CHD7: variants seen among roughly 807,000 people sequenced by gnomAD.
The protein encoded by CHD7 is ATP-dependent chromatin remodeler CHD7.
Under a neutral mutation model 307.3 loss-of-function variants are expected in CHD7, and 24 were observed. That is an observed-to-expected ratio of 0.08 (90% CI 0.06 to 0.11). CHD7 has a LOEUF of 0.11. Among genes scored for constraint, CHD7 ranks in the 10% least tolerant of loss-of-function variants. The probability of loss-of-function intolerance (pLI) is 1.00; values close to 1 mark genes in which losing one functional copy is unlikely to be tolerated. For synonymous variants in CHD7, 1,363 were observed against 1,349.9 expected, an observed-to-expected ratio of 1.01 and a Z score of -0.21; for missense variants, 3,106 against 3,727.1, an observed-to-expected ratio of 0.83 and a Z score of 4.34.
intron 1 of CHD7, among the ~76,000 whole-genome samples, chr8:60,704,306 G>T (rs1806911514): frequency 6.6e-6 from 1 of 152,168 alleles, no homozygotes. Flanking sequence ...AAGGCTGGTG[G>T]ACAGTGGGCC....
intron 1 of CHD7, among the ~76,000 whole-genome samples, chr8:60,704,514 C>T (rs1176332601): frequency 6.8e-6 from 1 of 148,102 alleles, no homozygotes; most frequent in Admixed American, 6.6e-5. Flanking sequence ...TTGGTCTGTA[C>T]CCCAAGAGCA....
At chr8:60,754,790 C>A (rs536512728) in intron 2 of CHD7, among the ~76,000 whole-genome samples, 1 of 152,302 alleles carries the variant, frequency 6.6e-6, no homozygotes, top group East Asian at 1.9e-4. Flanking sequence ...AAGTTGACGT[C>A]CTGTTTCATA....
Position 60,735,895 on chromosome 8 carries a change from T to G in CHD7, c.-174-5364T>G, listed in dbSNP as rs115928757. Among the ~76,000 whole-genome samples the G allele has an allele frequency of 2.9e-3, 446 of 152,348 alleles. 2 individuals are homozygous for G. Among genetic ancestry groups the G allele is most frequent in the African/African-American group, 9.7e-3 (403 of 41,580 alleles). On this transcript the variant is annotated intron_variant, in intron 1 of 37. Transcript: ENST00000423902. ...CACATGTGGCTTTTGAGCACTTGAA[T>G]GTGGCTTGTGCGACTAAGGAACTGA...
intron 2 of CHD7, among the ~76,000 whole-genome samples, chr8:60,756,290 C>A (rs1163400242): frequency 6.6e-6 from 1 of 152,112 alleles, no homozygotes; most frequent in African/African-American, 2.4e-5. Flanking sequence ...ATGGGTATCT[C>A]GTGTCTTTGG....
At chr8:60,837,113 A>G (rs1804776660) in intron 17 of CHD7, 101 bp downstream of exon 17, 2 of 901,546 alleles carry the variant, frequency 2.2e-6, no homozygotes, top group African/African-American at 1.7e-5. Flanking sequence ...TTGCGTCGTC[A>G]CTCAGGCTGT....
intron 2 of CHD7, among the ~76,000 whole-genome samples, chr8:60,772,728 A>G (rs1409151023): frequency 3.3e-5 from 5 of 152,244 alleles, no homozygotes; most frequent in African/African-American, 1.2e-4. Flanking sequence ...GCAATATGCA[A>G]GGTGATGAAG....
intron 16 of CHD7, 89 bp from the exon 17 acceptor site, chr8:60,836,728 T>G (rs1804758672): frequency 6.5e-6 from 6 of 919,632 alleles, no homozygotes; most frequent in Non-Finnish European, 1.0e-5. Context: ...TAATATATAT[T>G]CCATATTGTA....
chr8:60,823,054 A>G (rs1465045725), intron 12 of CHD7, among the ~76,000 whole-genome samples: 1 of 152,214 alleles, frequency 6.6e-6, no homozygotes. Context: ...CTAAGAGAAA[A>G]CTAAACAAAA....
At chr8:60,681,040 C>G (rs927974126) in intron 1 of CHD7, among the ~76,000 whole-genome samples, 2 of 151,802 alleles carry the variant, frequency 1.3e-5, no homozygotes, top group Non-Finnish European at 2.9e-5. Context: ...TTATTTCACC[C>G]CAGTTCTCTC....
chr8:60,864,234 C>A (rs1398974228), intron 37 of CHD7: 6 of 152,326 alleles, frequency 3.9e-5, no homozygotes, highest in African/African-American at 1.4e-4. Flanking sequence ...ACCTCAGCCT[C>A]CTGATTAGCC....
chr8:60,747,619 T>TG (rs975202638), intron 2 of CHD7, among the ~76,000 whole-genome samples: 274 of 152,318 alleles, frequency 1.8e-3, no homozygotes, highest in African/African-American at 6.4e-3. Context: ...ACAGCTTATT[T>TG]GGAAAAAATG....
intron 2 of CHD7, among the ~76,000 whole-genome samples, chr8:60,764,867 A>AC (rs1810390776): frequency 6.6e-6 from 1 of 152,238 alleles, no homozygotes; most frequent in South Asian, 2.1e-4. Flanking sequence ...ATAGTACAGA[A>AC]CATGTAGCTT....
chr8:60,703,321 C>T (rs1464585277), intron 1 of CHD7, among the ~76,000 whole-genome samples: 2 of 152,198 alleles, frequency 1.3e-5, no homozygotes, highest in African/African-American at 4.8e-5. Flanking sequence ...ATGTGCATAT[C>T]TCTTAATTCT....
chr8:60,815,275 G>A (rs1319287975), intron 7 of CHD7, among the ~76,000 whole-genome samples: 1 of 152,010 alleles, frequency 6.6e-6, no homozygotes, highest in Non-Finnish European at 1.5e-5. Flanking sequence ...ATTTTTAATG[G>A]TTGTATAATT....
At chr8:60,748,298 A>G (rs1473207483) in intron 2 of CHD7, among the ~76,000 whole-genome samples, 2 of 152,172 alleles carry the variant, frequency 1.3e-5, no homozygotes, top group African/African-American at 4.8e-5. Flanking sequence ...GAGGGAAAAG[A>G]GTTTAAGATT....
chr8:60,779,422 C>T (rs1482749924), intron 2 of CHD7, among the ~76,000 whole-genome samples: 1 of 152,188 alleles, frequency 6.6e-6, no homozygotes, highest in Non-Finnish European at 1.5e-5. Context: ...AAACTAGATT[C>T]AAATCTTAGC....
chr8:60,849,768 T>A (rs1226485234), intron 25 of CHD7, among the ~76,000 whole-genome samples: 2 of 152,238 alleles, frequency 1.3e-5, no homozygotes, highest in East Asian at 3.8e-4. Flanking sequence ...AAACCTTTCA[T>A]GATTACAGTT....
intron 21 of CHD7, among the ~76,000 whole-genome samples, chr8:60,842,962 A>G (rs1331302226): frequency 6.6e-6 from 1 of 151,560 alleles, no homozygotes; most frequent in African/African-American, 2.4e-5. Flanking sequence ...TGCCTAGAGG[A>G]CCCCCCACTT....
rs970354140 is a variant in CHD7, at chr8:60,867,009, T to C, written c.*1076T>C. The C allele has an allele frequency of 3.3e-5, 5 of 152,206 alleles. No homozygotes were observed. The highest frequency in any genetic ancestry group is 4.8e-5 in the African/African-American group (2 of 41,446). The allele number at this position is 152,206 out of a possible 1,614,324, so 9.4% of individuals were successfully genotyped here. A position where few individuals can be genotyped will look rare whatever the true frequency, so the allele number is the denominator to read the frequency against. On this transcript the variant is annotated 3_prime_UTR_variant, in exon 38 of 38. Coordinates refer to ENST00000423902, the MANE Select transcript of CHD7 (RefSeq NM_017780.4). ...CTGGCTTTTGTACAGTTTCTTGATA[T>C]ATCCTCTTATACTAGATTAGCTTTT...
Sources: allele counts gnomAD v4.1 joint callset (sites outside exome capture counted in the v4.1 genomes callset), GRCh38; gene constraint gnomAD v4.1.1; transcripts MANE v1.5; gene names NCBI Gene and HGNC (gene_info 2026-07-23, HGNC 2026-07-21).